FTCDNL1: variants seen among roughly 807,000 people sequenced by gnomAD.
FTCDNL1 encodes formiminotransferase N-terminal subdomain-containing protein.
Under a neutral mutation model 5.9 loss-of-function variants are expected in FTCDNL1, and 11 were observed. That is an observed-to-expected ratio of 1.87 (90% confidence interval 1.18 to 3.10). The LOEUF is 3.10. FTCDNL1 is among the 30% of genes most tolerant of loss of function. The pLI, the probability that FTCDNL1 is intolerant of heterozygous loss-of-function variation, is 0.00. For synonymous variants in FTCDNL1, 58 were observed against 24.8 expected (o/e 2.34, Z -3.99); for missense variants, 115 against 65.5 (o/e 1.76, Z -2.61).
chr2:199,717,509 A>ATTTTTTTTTTTTTTTTTT, the FTCDNL1 span, among the ~76,000 whole-genome samples: 51 of 57,686 alleles, frequency 8.8e-4, 5 homozygotes, highest in East Asian at 0.018. Context: ...CAAGGCAGAG[A>ATTTTTTTTTTTTTTTTTT]TTTTTTTTTT....
At chr2:199,801,107 C>A (rs1700422584) in intron 3 of FTCDNL1, among the ~76,000 whole-genome samples, 1 of 152,212 alleles carries the variant, frequency 6.6e-6, no homozygotes, top group African/African-American at 2.4e-5. Flanking sequence ...ACACACTCAC[C>A]TGTGATGGTC....
intron 3 of FTCDNL1, among the ~76,000 whole-genome samples, chr2:199,838,581 A>G (rs1702919122): frequency 6.6e-6 from 1 of 152,216 alleles, no homozygotes; most frequent in Non-Finnish European, 1.5e-5. Flanking sequence ...GCAGCAGAGA[A>G]GCACCTGATG....
In FTCDNL1 at chr2:199,809,382, C is replaced by T. The variant is rs763936716; in HGVS notation, c.*3323G>A. ...CTGGGATTACAGGAATGAGCCACCA[C>T]ACCCAGCCAAACTCTTTATTTTTAA... On this transcript the variant is annotated 3_prime_UTR_variant, in exon 5 of 5. Coordinates refer to ENST00000420128, the MANE Select transcript of FTCDNL1 (RefSeq NM_001363886.2). Among the ~76,000 whole-genome samples, 1 of 151,976 alleles carries T rather than the reference C, an allele frequency of 6.6e-6. No individual in the cohort carries two copies. Among genetic ancestry groups the T allele is most frequent in the Admixed American group, 6.6e-5 (1 of 15,250 alleles).
At chr2:199,843,176 A>G (rs2076637488) in intron 3 of FTCDNL1, among the ~76,000 whole-genome samples, 1 of 151,972 alleles carries the variant, frequency 6.6e-6, no homozygotes, top group East Asian at 1.9e-4. Context: ...TGTTTAAATC[A>G]TGAGGTACAG....
At chr2:199,751,857 A>C in the FTCDNL1 span, among the ~76,000 whole-genome samples, 3 of 147,664 alleles carry the variant, frequency 2.0e-5, no homozygotes, top group Admixed American at 6.9e-5. Context: ...CTCACCAATG[A>C]GCCCATCAGG....
the FTCDNL1 span, among the ~76,000 whole-genome samples, chr2:199,681,723 T>C: frequency 3.3e-5 from 5 of 152,324 alleles, no homozygotes; most frequent in Non-Finnish European, 5.9e-5. Flanking sequence ...CACAAGACTC[T>C]TAGTGATGAG....
intron 3 of FTCDNL1, among the ~76,000 whole-genome samples, chr2:199,839,193 T>C (rs538775516): frequency 2.7e-4 from 40 of 148,928 alleles, no homozygotes; most frequent in African/African-American, 9.4e-4. Flanking sequence ...AGCAACAGGG[T>C]GAAGGGGACA....
At chr2:199,817,945 A>G (rs150424550) in intron 4 of FTCDNL1, among the ~76,000 whole-genome samples, 1 of 152,346 alleles carries the variant, frequency 6.6e-6, no homozygotes, top group East Asian at 1.9e-4. Flanking sequence ...GAAACTAAAC[A>G]TAATTAGTGA....
chr2:199,812,537 T>G lies in FTCDNL1; in HGVS notation c.*168A>C. Reference sequence around the variant, plus strand: ...CTAGTTAAATGTCATATAATTAAAGTAATTCCACTTTTTGCTCTAAAATTA... The same window carrying G: ...CTAGTTAAATGTCATATAATTAAAGGAATTCCACTTTTTGCTCTAAAATTA... On this transcript the variant is annotated 3_prime_UTR_variant, in exon 5 of 5. Transcript: ENST00000420128. 2 of 460,346 alleles carry G rather than the reference T, an allele frequency of 4.3e-6. No individual in the cohort carries two copies. The highest frequency in any genetic ancestry group is 6.7e-5 in the East Asian group (2 of 30,050). The allele number at this position is 460,346 out of a possible 1,614,324, so 28.5% of individuals were successfully genotyped here.
At chr2:199,681,854 T>C in the FTCDNL1 span, among the ~76,000 whole-genome samples, 1 of 152,278 alleles carries the variant, frequency 6.6e-6, no homozygotes, top group African/African-American at 2.4e-5. Flanking sequence ...TCACTCCTTC[T>C]CTATTAACCA....
chr2:199,747,428 C>T, the FTCDNL1 span, among the ~76,000 whole-genome samples: 9 of 152,154 alleles, frequency 5.9e-5, no homozygotes, highest in South Asian at 1.7e-3. Context: ...TGCAAGGCCT[C>T]GAGCCTGTCT....
At chr2:199,721,748 T>C in the FTCDNL1 span, among the ~76,000 whole-genome samples, 1 of 152,228 alleles carries the variant, frequency 6.6e-6, no homozygotes, top group Non-Finnish European at 1.5e-5. Flanking sequence ...ACCAACAGTG[T>C]AAAAGCATTC....
chr2:199,834,284 C>G (rs143594681), intron 3 of FTCDNL1, among the ~76,000 whole-genome samples: 2 of 152,266 alleles, frequency 1.3e-5, no homozygotes, highest in Non-Finnish European at 2.9e-5. Context: ...CCACCCTGAT[C>G]GCGGACTTCT....
chr2:199,815,374 T>G (rs1331011631), intron 4 of FTCDNL1, among the ~76,000 whole-genome samples: 3 of 152,222 alleles, frequency 2.0e-5, no homozygotes, highest in African/African-American at 7.2e-5. Context: ...GCTTCCTCTC[T>G]GGTACTGTGC....
At chr2:199,714,421 G>T in the FTCDNL1 span, among the ~76,000 whole-genome samples, 1 of 152,162 alleles carries the variant, frequency 6.6e-6, no homozygotes, top group African/African-American at 2.4e-5. Context: ...TACATATGGT[G>T]ACAGAATAAG....
intron 1 of FTCDNL1, among the ~76,000 whole-genome samples, chr2:199,850,414 G>T (rs369577524): frequency 2.6e-5 from 4 of 152,216 alleles, no homozygotes; most frequent in Non-Finnish European, 5.9e-5. Flanking sequence ...ACCCCTAACA[G>T]TGCAAAAGAA....
chr2:199,812,507 T>C lies in FTCDNL1; in HGVS notation c.*198A>G, dbSNP rs1227495607. The stretch of plus-strand genomic sequence containing the variant: ...AGAGATAATTAATCCCAGCAAATCG[T>C]ATTTCTAGTTAAATGTCATATAATT... On this transcript the variant is annotated 3_prime_UTR_variant, in exon 5 of 5. Coordinates refer to ENST00000420128, the MANE Select transcript of FTCDNL1 (RefSeq NM_001363886.2). The C allele has an allele frequency of 4.3e-5, 19 of 440,500 alleles. No individual in the cohort carries two copies. The Admixed American group carries it at 7.9e-4, about 18-fold the overall frequency. 27.3% of individuals were successfully genotyped at this position (440,500 alleles called of 1,614,324 possible). A position where few individuals can be genotyped will look rare whatever the true frequency, so the allele number is the denominator to read the frequency against.
chr2:199,841,935 A>G (rs543381803), intron 3 of FTCDNL1, among the ~76,000 whole-genome samples: 1 of 152,294 alleles, frequency 6.6e-6, no homozygotes, highest in South Asian at 2.1e-4. Context: ...CTTTAGCACA[A>G]GATTTGAACC....
chr2:199,814,504 T>C (rs1442309967), intron 4 of FTCDNL1, among the ~76,000 whole-genome samples: 2 of 152,206 alleles, frequency 1.3e-5, no homozygotes, highest in Admixed American at 1.3e-4. Context: ...GTAGAAATAA[T>C]TCAGAAGAGA....
Sources: gnomAD v4.1 joint callset for allele counts (sites outside exome capture counted in the v4.1 genomes callset) on GRCh38, gnomAD v4.1.1 for gene constraint, MANE v1.5 for transcripts, NCBI Gene and HGNC (gene_info 2026-07-23, HGNC 2026-07-21) for gene names.